MGAT5: variants seen among roughly 807,000 people sequenced by gnomAD.
MGAT5 encodes alpha-1,6-mannosylglycoprotein 6-beta-N-acetylglucosaminyltransferase A.
Under a neutral mutation model 94.3 loss-of-function variants are expected in MGAT5, and 30 were observed. The ratio of observed to expected loss-of-function variants is 0.32; its 90% CI spans 0.24 to 0.43. The LOEUF (loss-of-function observed/expected upper bound fraction) is 0.43. Ranked by LOEUF, MGAT5 falls within the 20% of genes least tolerant of loss-of-function variation. MGAT5 has a pLI of 1.00. For missense variants in MGAT5, 691 were observed against 905.5 expected (o/e 0.76, Z 3.04); for synonymous variants, 310 against 322.9 (o/e 0.96, Z 0.43).
At chr2:134,307,313 T>C (rs1283860594) in intron 2 of MGAT5, among the ~76,000 whole-genome samples, 1 of 152,178 alleles carries the variant, frequency 6.6e-6, no homozygotes, top group Non-Finnish European at 1.5e-5. Flanking sequence ...CCATTTACAA[T>C]GTTAGATATA....
intron 1 of MGAT5, among the ~76,000 whole-genome samples, chr2:134,203,075 T>C (rs578054368): frequency 3.9e-5 from 6 of 152,368 alleles, no homozygotes; most frequent in African/African-American, 1.4e-4. Context: ...ATCAATAATA[T>C]AACTTTTTTT....
rs541727770 is a variant in MGAT5 at position 134,154,892 on chromosome 2, C to T, written c.-143+34601C>T. Among the ~76,000 whole-genome samples, 4 of 152,306 alleles carry T rather than the reference C, an allele frequency of 2.6e-5. 1 individual carries two copies. The highest frequency in any genetic ancestry group is 4.2e-4 in the South Asian group (2 of 4,812). ...TGGTCAGTGTTCTTGAGGGCACCAC[C>T]GTGAGGTGTCTTGGTCATCTGTGAC... On this transcript the variant is annotated intron_variant, in intron 1 of 16. Coordinates refer to the MGAT5 transcript ENST00000409645.
intron 1 of MGAT5, among the ~76,000 whole-genome samples, chr2:134,226,215 C>T (rs774897595): frequency 2.0e-5 from 3 of 152,182 alleles, no homozygotes; most frequent in Admixed American, 2.0e-4. Context: ...CTAGTTGATG[C>T]ATGGTCACTA....
chr2:134,371,568 C>G lies in MGAT5; in HGVS notation c.1380+9160C>G, dbSNP rs577142331. 2.6e-5 allele frequency among the ~76,000 whole-genome samples: 4 copies of G among 152,278 alleles called. No individual in the cohort carries two copies. In the South Asian group the frequency reaches 8.3e-4, roughly 32 times the overall value. On this transcript the variant is annotated intron_variant, in intron 10 of 15. Coordinates refer to ENST00000281923, the MANE Select transcript of MGAT5 (RefSeq NM_002410.5). ...CCGCTGTGGCTTCTATCGAATCATG[C>G]TTGGGATTGCCACAGTTTTCTTCTT...
intron 2 of MGAT5, among the ~76,000 whole-genome samples, chr2:134,301,676 C>T (rs900442086): frequency 6.6e-6 from 1 of 152,088 alleles, no homozygotes; most frequent in East Asian, 1.9e-4. Flanking sequence ...TTTTCTGTAA[C>T]GCTGTTGCTT....
chr2:134,345,208 T>C, intron 8 of MGAT5, 144 bp downstream of exon 8: 2 of 880,664 alleles, frequency 2.3e-6, no homozygotes, highest in Non-Finnish European at 1.7e-6. Context: ...ATTCAGATTC[T>C]CAGTGACTTT....
Position 134,153,139 on chromosome 2 carries a change from C to T in MGAT5, c.-143+32848C>T, listed in dbSNP as rs1038018321. 4.8e-4 allele frequency among the ~76,000 whole-genome samples: 73 copies of T among 152,198 alleles called. 1 individual carries two copies. The highest frequency in any genetic ancestry group is 3.4e-3 in the Middle Eastern group (1 of 294). Reference sequence around the variant, plus strand: ...TTCACCATATTGGTCAGGCTGGTCTCGAACTCCTGACCCCAAATGATCTGC... The same window carrying T: ...TTCACCATATTGGTCAGGCTGGTCTTGAACTCCTGACCCCAAATGATCTGC... On this transcript the variant is annotated intron_variant, in intron 1 of 16. Coordinates refer to the MGAT5 transcript ENST00000409645.
intron 1 of MGAT5, among the ~76,000 whole-genome samples, chr2:134,156,067 GC>G (rs779471442): frequency 9.9e-5 from 15 of 152,100 alleles, no homozygotes; most frequent in Non-Finnish European, 2.1e-4. Flanking sequence ...GCTCCAGGAA[GC>G]CTAGGACGTC....
chr2:134,121,758 A>G (rs1685602443), intron 1 of MGAT5, among the ~76,000 whole-genome samples: 1 of 152,188 alleles, frequency 6.6e-6, no homozygotes, highest in South Asian at 2.1e-4. Flanking sequence ...ATCTCATTCT[A>G]AGGAGATGCG....
intron 9 of MGAT5, among the ~76,000 whole-genome samples, chr2:134,351,631 A>G (rs1679390901): frequency 6.6e-6 from 1 of 152,204 alleles, no homozygotes; most frequent in African/African-American, 2.4e-5. Flanking sequence ...ACTGAAGACA[A>G]AAACATGGAT....
At chr2:134,201,588 C>T (rs1679785991) in intron 1 of MGAT5, among the ~76,000 whole-genome samples, 1 of 152,080 alleles carries the variant, frequency 6.6e-6, no homozygotes, top group South Asian at 2.1e-4. Context: ...CAGGGTGAAA[C>T]AATTTTTATG....
rs768580738 is a variant in MGAT5 at position 134,239,800 on chromosome 2, G to A, written c.-142-14462G>A. ...GATATGTTCCAAAAAGGAGTAAAACGTAATACAAGAAGATAAAAATACATT... is the reference window on the plus strand; with the variant it reads ...GATATGTTCCAAAAAGGAGTAAAACATAATACAAGAAGATAAAAATACATT... On this transcript the variant is annotated intron_variant, in intron 1 of 16. Coordinates refer to the MGAT5 transcript ENST00000409645. Among the ~76,000 whole-genome samples the A allele has an allele frequency of 1.2e-3, 184 of 151,908 alleles. 1 individual carries two copies. The highest frequency in any genetic ancestry group is 2.2e-3 in the Non-Finnish European group (147 of 67,996).
At position 134,333,630 on chromosome 2, in the gene MGAT5, G is replaced by A. The variant is rs1423902069; in HGVS notation, c.574-2587G>A. Among the ~76,000 whole-genome samples the A allele has an allele frequency of 4.6e-5, 7 of 152,062 alleles. No homozygotes were observed. The East Asian group carries it at 1.4e-3, about 29-fold the overall frequency. ...AGAAGGTGGTGGGGCTCACCTTGGGGTCCAGCTTTATTGGTAGCATCCTCT... is the reference window on the plus strand; with the variant it reads ...AGAAGGTGGTGGGGCTCACCTTGGGATCCAGCTTTATTGGTAGCATCCTCT... On this transcript the variant is annotated intron_variant, in intron 4 of 15. Coordinates refer to ENST00000281923, the MANE Select transcript of MGAT5 (RefSeq NM_002410.5).
intron 1 of MGAT5, among the ~76,000 whole-genome samples, chr2:134,158,402 A>G (rs997327160): frequency 6.6e-6 from 1 of 152,200 alleles, no homozygotes; most frequent in Non-Finnish European, 1.5e-5. Context: ...GAGGGCTGGC[A>G]TGTCAGCGCT....
chr2:134,174,878 C>T (rs1231896068), intron 1 of MGAT5, among the ~76,000 whole-genome samples: 1 of 152,234 alleles, frequency 6.6e-6, no homozygotes, highest in Non-Finnish European at 1.5e-5. Context: ...AATGTTGTCA[C>T]CTCTTCTGGG....
At chr2:134,407,931 C>T (rs1469798502) in intron 11 of MGAT5, among the ~76,000 whole-genome samples, 1 of 152,154 alleles carries the variant, frequency 6.6e-6, no homozygotes, top group Admixed American at 6.5e-5. Flanking sequence ...CATGCTATTG[C>T]GATGCACCTG....
chr2:134,173,172 C>T (rs2105127519), intron 1 of MGAT5, among the ~76,000 whole-genome samples: 1 of 152,270 alleles, frequency 6.6e-6, no homozygotes, highest in Non-Finnish European at 1.5e-5. Context: ...CAAATACAAG[C>T]ATATTTAATC....
At chr2:134,386,752 T>C (rs1682005494) in intron 10 of MGAT5, among the ~76,000 whole-genome samples, 1 of 152,186 alleles carries the variant, frequency 6.6e-6, no homozygotes, top group African/African-American at 2.4e-5. Context: ...AAATTTCAAC[T>C]ACTATTGCTG....
intron 2 of MGAT5, among the ~76,000 whole-genome samples, chr2:134,286,477 G>C (rs1685008429): frequency 6.6e-6 from 1 of 151,932 alleles, no homozygotes; most frequent in Non-Finnish European, 1.5e-5. Flanking sequence ...TATTGCCTAG[G>C]CTGGAGTATA....
Sources: gnomAD v4.1 joint callset for allele counts (sites outside exome capture counted in the v4.1 genomes callset) on GRCh38, gnomAD v4.1.1 for gene constraint, MANE v1.5 for transcripts, NCBI Gene and HGNC (gene_info 2026-07-23, HGNC 2026-07-21) for gene names.